The following GSDME variants were observed in gnomAD, a reference collection of about 807,000 sequenced individuals.
GSDME encodes gasdermin E.
A neutral mutation model predicts 47.5 loss-of-function variants in GSDME; 44 were observed. The observed-to-expected ratio is 0.93, with a 90% confidence interval of 0.73 to 1.19. The LOEUF is 1.19. Among genes scored for constraint, GSDME ranks in the 50% most tolerant of loss-of-function variants. GSDME has a pLI of 0.00. For synonymous variants in GSDME, 258 were observed against 252.8 expected (o/e 1.02, Z -0.20); for missense variants, 663 against 604.2 (o/e 1.10, Z -1.02).
In GSDME at chr7:24,721,738, C is replaced by T. The variant is rs1029961270; in HGVS notation, c.405-2520G>A. 5.3e-5 allele frequency among the ~76,000 whole-genome samples: 8 copies of T among 152,198 alleles called. No individual in the cohort carries two copies. Among genetic ancestry groups the T allele is most frequent in the Non-Finnish European group, 1.5e-5 (1 of 68,040 alleles). On this transcript the variant is annotated intron_variant, in intron 3 of 9. Coordinates refer to ENST00000645220, the MANE Select transcript of GSDME (RefSeq NM_001127453.2). This position sits in a 1 kb window ranked among gnomAD's most constrained non-coding sequence, Gnocchi z 4.1. ...GGGGCACTGAATTGAATCAGAGGTA[C>T]GTTTCCACATCACTCCCTTCTTAAA...
intron 9 of GSDME, among the ~76,000 whole-genome samples, chr7:24,700,013 C>G (rs1219424895): frequency 6.6e-6 from 1 of 152,174 alleles, no homozygotes; most frequent in South Asian, 2.1e-4. Context: ...ATCTCCCCTT[C>G]TCATCACTCA....
Position 24,705,745 on chromosome 7 carries a change from C to A in GSDME, c.1183+439G>T. ...TTGAATGCTCTCCACAGCCCCCTTG[C>A]CCCAGACAGGAGCACGCAGGGTGGG... On this transcript the variant is annotated intron_variant, in intron 8 of 9. Coordinates refer to ENST00000645220, the MANE Select transcript of GSDME (RefSeq NM_001127453.2). The surrounding 1 kb of genome is among the most constrained non-coding windows in gnomAD (Gnocchi z 4.1). 1 of 319,396 alleles carries A rather than the reference C, an allele frequency of 3.1e-6. No individual in the cohort carries two copies. The highest frequency in any genetic ancestry group is 6.1e-6 in the Non-Finnish European group (1 of 164,330). The allele number at this position is 319,396 out of a possible 1,614,324, so 19.8% of individuals were successfully genotyped here.
At position 24,749,474 on chromosome 7, in the gene GSDME, C is replaced by T. The variant is rs989654790; in HGVS notation, c.211+90G>A. On this transcript the variant is annotated intron_variant, in intron 2 of 9. Coordinates refer to ENST00000645220, the MANE Select transcript of GSDME (RefSeq NM_001127453.2). ...CCAAGATCACGCCACTGCACTCCAG[C>T]ATGGGCGACAGAGACTCTGTGTCAA... 35 of 1,135,280 alleles carry T rather than the reference C, an allele frequency of 3.1e-5. No homozygotes were observed. In the East Asian group the frequency reaches 8.2e-4, roughly 27 times the overall value. The allele number at this position is 1,135,280 out of a possible 1,614,324, so 70.3% of individuals were successfully genotyped here. A position where few individuals can be genotyped will look rare whatever the true frequency, so the allele number is the denominator to read the frequency against.
chr7:24,698,770 C>G lies in GSDME; in HGVS notation c.*256G>C. Reference sequence around the variant, plus strand: ...GTCTGAATGTATGCTAAGAATTCTCCGCCCTCCCAGCTCTTTACATGCTGG... The same window carrying G: ...GTCTGAATGTATGCTAAGAATTCTCGGCCCTCCCAGCTCTTTACATGCTGG... On this transcript the variant is annotated 3_prime_UTR_variant, in exon 10 of 10. Coordinates refer to ENST00000645220, the MANE Select transcript of GSDME (RefSeq NM_001127453.2). 1 of 519,934 alleles carries G rather than the reference C, an allele frequency of 1.9e-6. No individual in the cohort carries two copies. Among genetic ancestry groups the G allele is most frequent in the Non-Finnish European group, 3.5e-6 (1 of 286,984 alleles). 32.2% of individuals were successfully genotyped at this position (519,934 alleles called of 1,614,324 possible).
rs1484662590 is a variant in GSDME, at chr7:24,735,531, T to C, written c.404+9031A>G. 1.3e-5 allele frequency among the ~76,000 whole-genome samples: 2 copies of C among 151,846 alleles called. No individual in the cohort carries two copies. The highest frequency in any genetic ancestry group is 2.9e-5 in the Non-Finnish European group (2 of 67,970). ...CAGCAGTTTGGGAGGCCGAGGTGGGTGTATCACCTGAAGACAGGAATTCGA... is the reference window on the plus strand; with the variant it reads ...CAGCAGTTTGGGAGGCCGAGGTGGGCGTATCACCTGAAGACAGGAATTCGA... On this transcript the variant is annotated intron_variant, in intron 3 of 9. Transcript: ENST00000645220. The surrounding 1 kb of genome is among the most constrained non-coding windows in gnomAD (Gnocchi z 4.4).
chr7:24,784,216 A>G, the GSDME span, among the ~76,000 whole-genome samples: 1 of 152,178 alleles, frequency 6.6e-6, no homozygotes, highest in African/African-American at 2.4e-5. Context: ...ATCCATGGGC[A>G]CTGTATTAGT....
At chr7:24,723,826 T>C (rs938987439) in intron 3 of GSDME, among the ~76,000 whole-genome samples, 6 of 152,242 alleles carry the variant, frequency 3.9e-5, no homozygotes, top group African/African-American at 1.4e-4. Context: ...ATATCTTGCC[T>C]ATGTAACCAG....
the GSDME span, among the ~76,000 whole-genome samples, chr7:24,770,514 T>C: frequency 7.9e-5 from 12 of 152,188 alleles, no homozygotes; most frequent in Non-Finnish European, 1.5e-4. The surrounding 1 kb of genome is among the most constrained non-coding windows in gnomAD (Gnocchi z 4.6). Flanking sequence ...GGAAACCTGA[T>C]ACTTGCAACT....
the GSDME span, among the ~76,000 whole-genome samples, chr7:24,787,496 G>A: frequency 6.6e-6 from 1 of 152,254 alleles, no homozygotes; most frequent in East Asian, 1.9e-4. The surrounding 1 kb of genome is among the most constrained non-coding windows in gnomAD (Gnocchi z 5.0). Context: ...AGTGGTGGTG[G>A]CAGTGGTGTG....
At chr7:24,720,841 AG>A (rs1789752060) in intron 3 of GSDME, among the ~76,000 whole-genome samples, 1 of 151,498 alleles carries the variant, frequency 6.6e-6, no homozygotes, top group South Asian at 2.1e-4. Flanking sequence ...CGGGAGGCGG[AG>A]GTTGCGGTGA....
chr7:24,775,304 C>T, the GSDME span, among the ~76,000 whole-genome samples: 2 of 152,146 alleles, frequency 1.3e-5, no homozygotes, highest in South Asian at 4.2e-4. Flanking sequence ...TTGCTATGTC[C>T]AGTACACTGC....
chr7:24,761,556 A>C (rs1388146137), upstream of GSDME, among the ~76,000 whole-genome samples: 1 of 152,218 alleles, frequency 6.6e-6, no homozygotes, highest in African/African-American at 2.4e-5. The surrounding 1 kb of genome is among the most constrained non-coding windows in gnomAD (Gnocchi z 4.4). Context: ...CCACCTCCTG[A>C]AACTATCACA....
intron 3 of GSDME, among the ~76,000 whole-genome samples, chr7:24,730,817 C>CA (rs953482797): frequency 3.3e-5 from 5 of 151,088 alleles, no homozygotes; most frequent in South Asian, 2.1e-4. Flanking sequence ...GACTCCGTCT[C>CA]AAAAAAAATA....
the GSDME span, among the ~76,000 whole-genome samples, chr7:24,783,455 A>G: frequency 1.3e-5 from 2 of 152,212 alleles, no homozygotes; most frequent in African/African-American, 4.8e-5. Flanking sequence ...GCTCCAGTTT[A>G]GAACTGAGGA....
rs532028137 is a variant in GSDME, at chr7:24,742,674, C to G, written c.404+1888G>C. Among the ~76,000 whole-genome samples the G allele has an allele frequency of 4.5e-4, 69 of 152,264 alleles. No homozygotes were observed. In the East Asian group the frequency reaches 0.012, roughly 26 times the overall value. On this transcript the variant is annotated intron_variant, in intron 3 of 9. Transcript: ENST00000645220. This position sits in a 1 kb window ranked among gnomAD's most constrained non-coding sequence, Gnocchi z 4.4. ...ACTGTGCTTCTTGAAATAGAAATAACGAGACTGCAAAGCGCATCTAAGCTA... is the reference window on the plus strand; with the variant it reads ...ACTGTGCTTCTTGAAATAGAAATAAGGAGACTGCAAAGCGCATCTAAGCTA...
rs769108926 is a variant in GSDME at position 24,745,155 on chromosome 7, C to T, written c.212-401G>A. On this transcript the variant is annotated intron_variant, in intron 2 of 9. Coordinates refer to ENST00000645220, the MANE Select transcript of GSDME (RefSeq NM_001127453.2). This position sits in a 1 kb window ranked among gnomAD's most constrained non-coding sequence, Gnocchi z 4.4. Reference sequence around the variant, plus strand: ...AGAAAGGACTAATGAATAAAGTTAGCGCCTGTTTAACCACTATCCAGGTGG... The same window carrying T: ...AGAAAGGACTAATGAATAAAGTTAGTGCCTGTTTAACCACTATCCAGGTGG... Among the ~76,000 whole-genome samples, 9 of 152,106 alleles carry T rather than the reference C, an allele frequency of 5.9e-5. No homozygotes were observed. The highest frequency in any genetic ancestry group is 9.7e-5 in the African/African-American group (4 of 41,406).
upstream of GSDME, chr7:24,757,828 G>C (rs1252563348): frequency 6.6e-6 from 1 of 152,304 alleles, no homozygotes; most frequent in African/African-American, 2.4e-5. This position sits in a 1 kb window ranked among gnomAD's most constrained non-coding sequence, Gnocchi z 5.9. Context: ...GGCCGAACCC[G>C]CCACCCACAG....
chr7:24,744,869 C>G lies in GSDME; in HGVS notation c.212-115G>C. 9.0e-7 allele frequency: 1 copy of G among 1,109,242 alleles called. No individual in the cohort carries two copies. 68.7% of individuals were successfully genotyped at this position (1,109,242 alleles called of 1,614,324 possible). A position where few individuals can be genotyped will look rare whatever the true frequency, so the allele number is the denominator to read the frequency against. On this transcript the variant is annotated intron_variant, in intron 2 of 9. Transcript: ENST00000645220. This position sits in a 1 kb window ranked among gnomAD's most constrained non-coding sequence, Gnocchi z 4.5. ...CCCCGGAAAGCAGAAGGCTGGCACTCAGATGGAAAGCCGGCAGCCATGCTG... is the reference window on the plus strand; with the variant it reads ...CCCCGGAAAGCAGAAGGCTGGCACTGAGATGGAAAGCCGGCAGCCATGCTG...
chr7:24,702,911 A>T, intron 8 of GSDME, 78 bp from the exon 9 acceptor site: 1 of 1,276,178 alleles, frequency 7.8e-7, no homozygotes, highest in South Asian at 1.2e-5. Context: ...GATGGCACCT[A>T]ACTTATATTT....
Sources: allele counts gnomAD v4.1 joint callset (sites outside exome capture counted in the v4.1 genomes callset), GRCh38; gene constraint gnomAD v4.1.1; non-coding constraint Gnocchi (gnomAD v3.1); transcripts MANE v1.5; gene names NCBI Gene and HGNC (gene_info 2026-07-23, HGNC 2026-07-21).